The following STXBP5L variants were observed in gnomAD, a reference collection of about 807,000 sequenced individuals.
STXBP5L encodes syntaxin-binding protein 5-like.
STXBP5L carries 65 observed loss-of-function variants against 144.5 expected under a neutral mutation model. That is an observed-to-expected ratio of 0.45 (90% CI 0.37 to 0.55). The LOEUF (loss-of-function observed/expected upper bound fraction) is 0.55. STXBP5L is among the 20% of genes least tolerant of loss of function. The pLI, the probability that STXBP5L is intolerant of heterozygous loss-of-function variation, is 0.00. For missense variants in STXBP5L, 1,298 were observed against 1,405.5 expected, an observed-to-expected ratio of 0.92 and a Z score of 1.22; for synonymous variants, 505 against 469.6, an observed-to-expected ratio of 1.08 and a Z score of -0.97.
chr3:121,271,346 T>A (rs2050730209), intron 18 of STXBP5L, among the ~76,000 whole-genome samples: 1 of 152,210 alleles, frequency 6.6e-6, no homozygotes, highest in South Asian at 2.1e-4. Flanking sequence ...CCTTTTGATA[T>A]GTTCCCATCG....
intron 3 of STXBP5L, among the ~76,000 whole-genome samples, chr3:121,013,157 T>A (rs983506969): frequency 6.6e-6 from 1 of 152,020 alleles, no homozygotes. Context: ...GTAATAAACA[T>A]ATGAGGCCAA....
intron 19 of STXBP5L, among the ~76,000 whole-genome samples, chr3:121,283,896 TGTGTGTGTGTGTGTGTGTGTGTG>T (rs2051145940): frequency 7.0e-5 from 7 of 99,720 alleles, no homozygotes; most frequent in Non-Finnish European, 1.2e-4. Flanking sequence ...TGTGTGTGCT[TGTGTGTGTGTGTGTGTGTGTGTG>T]TGTGTGTGTA....
intron 2 of STXBP5L, among the ~76,000 whole-genome samples, chr3:120,940,026 C>T (rs1710481278): frequency 6.6e-6 from 1 of 151,984 alleles, no homozygotes. Context: ...TTTTGTTTCA[C>T]AAGATTTTCA....
chr3:121,041,870 A>C (rs1440996329), intron 4 of STXBP5L, 89 bp downstream of exon 4: 2 of 840,768 alleles, frequency 2.4e-6, no homozygotes, highest in Non-Finnish European at 4.0e-6. Flanking sequence ...CTGTGATTCT[A>C]AATGCTTAAA....
intron 20 of STXBP5L, among the ~76,000 whole-genome samples, chr3:121,328,287 C>A (rs142019540): frequency 6.6e-6 from 1 of 152,186 alleles, no homozygotes. Context: ...AAGGGCTTTA[C>A]ACACATTCCT....
chr3:121,068,511 ACT>A (rs1225208323), intron 5 of STXBP5L, among the ~76,000 whole-genome samples: 3 of 151,850 alleles, frequency 2.0e-5, no homozygotes, highest in South Asian at 2.1e-4. Context: ...ATCTTTAATA[ACT>A]CTTTTTGAGG....
At chr3:121,145,594 A>G (rs941313274) in intron 7 of STXBP5L, among the ~76,000 whole-genome samples, 43 of 152,172 alleles carry the variant, frequency 2.8e-4, no homozygotes, top group African/African-American at 9.6e-4. Context: ...GATCTATTAT[A>G]TAAGAACAGA....
At chr3:121,299,995 A>T (rs1343383724) in intron 19 of STXBP5L, among the ~76,000 whole-genome samples, 1 of 138,722 alleles carries the variant, frequency 7.2e-6, no homozygotes, top group African/African-American at 2.6e-5. Flanking sequence ...AAAAAAAAAA[A>T]TACAAAGAAA....
chr3:121,016,241 G>C (rs1945139750), intron 3 of STXBP5L, among the ~76,000 whole-genome samples: 1 of 152,140 alleles, frequency 6.6e-6, no homozygotes, highest in Non-Finnish European at 1.5e-5. Context: ...CATCTAAACA[G>C]ATACAGCAGT....
intron 10 of STXBP5L, among the ~76,000 whole-genome samples, chr3:121,222,109 T>A (rs918030869): frequency 2.6e-5 from 4 of 152,064 alleles, no homozygotes; most frequent in Admixed American, 1.3e-4. Context: ...TTTAAAAAAA[T>A]TAGAAAAGAA....
chr3:121,414,075 C>T (rs1331394945), intron 24 of STXBP5L, among the ~76,000 whole-genome samples: 1 of 151,882 alleles, frequency 6.6e-6, no homozygotes, highest in Non-Finnish European at 1.5e-5. Context: ...GAGCTCAGTG[C>T]CTGGAATATA....
chr3:121,364,733 ATTTCC>A (rs2045815516), intron 20 of STXBP5L, among the ~76,000 whole-genome samples: 1 of 151,828 alleles, frequency 6.6e-6, no homozygotes, highest in South Asian at 2.1e-4. Flanking sequence ...ATTTTTTATA[ATTTCC>A]TTTGCCGATT....
rs537331378 is a variant in STXBP5L at position 121,027,093 on chromosome 3, A to T, written c.288-14607A>T. ...AATGTAAGTTTTTCTATTTATGTGT[A>T]TATATGTATATATATATGTGTTTGT... On this transcript the variant is annotated intron_variant, in intron 3 of 26. Coordinates refer to ENST00000471454, the MANE Select transcript of STXBP5L (RefSeq NM_001308330.2). 2.6e-5 allele frequency among the ~76,000 whole-genome samples: 4 copies of T among 151,960 alleles called. No homozygotes were observed. The South Asian group carries it at 8.3e-4, about 31-fold the overall frequency.
intron 5 of STXBP5L, among the ~76,000 whole-genome samples, chr3:121,107,430 A>T (rs111865742): frequency 2.0e-5 from 3 of 152,146 alleles, no homozygotes; most frequent in Non-Finnish European, 2.9e-5. Flanking sequence ...AATTTTCTGA[A>T]TGTGGCTTGC....
chr3:121,067,150 T>C (rs1437521172), intron 5 of STXBP5L, among the ~76,000 whole-genome samples: 1 of 152,030 alleles, frequency 6.6e-6, no homozygotes, highest in Non-Finnish European at 1.5e-5. Flanking sequence ...CAAATGTACA[T>C]GTATTTTTCT....
intron 20 of STXBP5L, among the ~76,000 whole-genome samples, chr3:121,364,037 T>G (rs1367851241): frequency 6.6e-6 from 1 of 152,178 alleles, no homozygotes; most frequent in South Asian, 2.1e-4. Context: ...TTTTTAAATG[T>G]TTATGAAGTC....
intron 3 of STXBP5L, among the ~76,000 whole-genome samples, chr3:120,977,409 T>G (rs565824802): frequency 9.9e-5 from 15 of 152,182 alleles, no homozygotes; most frequent in Non-Finnish European, 1.3e-4. Context: ...AGATCTTCCT[T>G]CATCCCTTTA....
intron 18 of STXBP5L, among the ~76,000 whole-genome samples, chr3:121,265,539 C>A (rs1175720414): frequency 1.3e-5 from 2 of 152,010 alleles, no homozygotes; most frequent in Non-Finnish European, 2.9e-5. Flanking sequence ...AAAATTGACA[C>A]CCTAATATCA....
At chr3:120,992,241 C>A (rs759482440) in intron 3 of STXBP5L, among the ~76,000 whole-genome samples, 3 of 152,048 alleles carry the variant, frequency 2.0e-5, no homozygotes, top group Non-Finnish European at 4.4e-5. Context: ...GTGTAGTGAT[C>A]AACTCAGAAT....
Sources: allele counts gnomAD v4.1 joint callset (sites outside exome capture counted in the v4.1 genomes callset), GRCh38; gene constraint gnomAD v4.1.1; transcripts MANE v1.5; gene names NCBI Gene and HGNC (gene_info 2026-07-23, HGNC 2026-07-21).